PNPLA4: variants seen among roughly 807,000 people sequenced by gnomAD.
PNPLA4 encodes the protein patatin like domain 4, phospholipase and triacylglycerol lipase, also known as patatin-like phospholipase domain-containing protein 4.
Under a neutral mutation model 18.3 loss-of-function variants are expected in PNPLA4, and 15 were observed. That is an observed-to-expected ratio of 0.82 (90% CI 0.55 to 1.26). The LOEUF is 1.26. Ranked by LOEUF, PNPLA4 falls within the 50% of genes most tolerant of loss-of-function variation. The pLI, the probability that PNPLA4 is intolerant of heterozygous loss-of-function variation, is 0.00. For missense variants in PNPLA4, 229 were observed against 196.8 expected, an observed-to-expected ratio of 1.16 and a Z score of -0.98; for synonymous variants, 88 against 85.6, an observed-to-expected ratio of 1.03 and a Z score of -0.16.
At chrX:7,909,498 G>T (rs1245645690) in intron 5 of PNPLA4, among the ~76,000 whole-genome samples, 1 of 109,428 alleles carries the variant, frequency 9.1e-6, no homozygotes, top group Non-Finnish European at 1.9e-5. Flanking sequence ...GGTGGAGCTT[G>T]CAGTGAGCTG....
chrX:7,904,905 C>T (rs932230452), intron 5 of PNPLA4, among the ~76,000 whole-genome samples: 8 of 112,087 alleles, frequency 7.1e-5, no homozygotes, highest in Admixed American at 1.9e-4. Flanking sequence ...ATATCACCAT[C>T]ATCCTCAAAG....
At position 7,908,029 on chromosome X, in the gene PNPLA4, G is replaced by T. The variant is rs753372488; in HGVS notation, c.477+3999C>A. Among the ~76,000 whole-genome samples the T allele has an allele frequency of 8.1e-5, 9 of 111,419 alleles. No individual in the cohort carries two copies. The South Asian group carries it at 3.4e-3, about 42-fold the overall frequency. Reference sequence around the variant, plus strand: ...AGGACTCATACTGGTATTTGCTGTGGTTGAAATTAATCTTAAGTCTTATTA... The same window carrying T: ...AGGACTCATACTGGTATTTGCTGTGTTTGAAATTAATCTTAAGTCTTATTA... On this transcript the variant is annotated intron_variant, in intron 5 of 6. Coordinates refer to ENST00000381042, the MANE Select transcript of PNPLA4 (RefSeq NM_004650.3).
At chrX:7,927,176 A>G (rs1306009254) in intron 1 of PNPLA4, 110 bp downstream of exon 1, 1 of 113,651 alleles carries the variant, frequency 8.8e-6, no homozygotes, top group Non-Finnish European at 1.9e-5. Context: ...GGCCAGGCCC[A>G]GCCAGCACAG....
rs763790651 is a variant in PNPLA4, at chrX:7,900,780, A to G, written c.668T>C (p.Leu223Pro). 9.2e-6 allele frequency: 11 copies of G among 1,194,613 alleles called. No homozygotes were observed. The highest frequency in any genetic ancestry group is 3.6e-5 in the South Asian group (2 of 55,236). ...LANLVRLNQA[L>P]FPPSKRKMES... Reference sequence around the variant, plus strand: ...CATTTTCCTCTTGCTTGGGGGAAAAAGGGCTTGGTTGAGTCTCACCAGGTT... The same window carrying G: ...CATTTTCCTCTTGCTTGGGGGAAAAGGGGCTTGGTTGAGTCTCACCAGGTT... The change falls in exon 7 of 7, where the codon CTT becomes CCT. Residue 223 changes from leucine (L) to proline (P), a missense_variant. Leu to Pro is a moderately conservative substitution (Grantham distance 98, BLOSUM62 -3). Coordinates refer to ENST00000381042, the MANE Select transcript of PNPLA4 (RefSeq NM_004650.3).
chrX:7,912,221 C>A (rs1035444044), intron 4 of PNPLA4, 128 bp from the exon 5 acceptor site: 16 of 413,505 alleles, frequency 3.9e-5, no homozygotes, highest in African/African-American at 3.7e-4. Flanking sequence ...CAGCACTGCA[C>A]GTAATTACAT....
intron 5 of PNPLA4, among the ~76,000 whole-genome samples, chrX:7,903,158 T>C (rs373200138): frequency 8.9e-6 from 1 of 112,149 alleles, no homozygotes; most frequent in East Asian, 2.8e-4. Flanking sequence ...CAAACCTTTG[T>C]TATTCAACAT....
At chrX:7,911,071 T>C (rs1268644244) in intron 5 of PNPLA4, among the ~76,000 whole-genome samples, 1 of 110,119 alleles carries the variant, frequency 9.1e-6, no homozygotes, top group Non-Finnish European at 1.9e-5. Context: ...CATTTGATTA[T>C]AAGATGCGTA....
At chrX:7,901,422 T>C (rs1439762552) in intron 6 of PNPLA4, among the ~76,000 whole-genome samples, 1 of 109,330 alleles carries the variant, frequency 9.1e-6, no homozygotes, top group African/African-American at 3.4e-5. Flanking sequence ...TCTCTGCAAA[T>C]AATTTTTTTA....
At position 7,900,316 on chromosome X, in the gene PNPLA4, G is replaced by A. The variant is rs754557514; in HGVS notation, c.*370C>T. 69 of 118,207 alleles carry A rather than the reference G, an allele frequency of 5.8e-4. No individual in the cohort carries two copies. The highest frequency in any genetic ancestry group is 9.9e-4 in the Non-Finnish European group (57 of 57,579). The allele number at this position is 118,207 out of a possible 1,213,427, so 9.7% of individuals were successfully genotyped here. A position where few individuals can be genotyped will look rare whatever the true frequency, so the allele number is the denominator to read the frequency against. On this transcript the variant is annotated 3_prime_UTR_variant, in exon 7 of 7. Coordinates refer to ENST00000381042, the MANE Select transcript of PNPLA4 (RefSeq NM_004650.3). ...AGCTACAGGGACACAGCTAAGTCAC[G>A]GAAACACCCATGCTTCACGTCAAGA...
intron 5 of PNPLA4, among the ~76,000 whole-genome samples, chrX:7,909,483 C>T (rs1456492676): frequency 2.8e-5 from 3 of 109,030 alleles, no homozygotes; most frequent in Admixed American, 2.0e-4. Context: ...GGCGTGAACC[C>T]GGGAGGTGGA....
chrX:7,901,930 T>A, intron 6 of PNPLA4, 59 bp downstream of exon 6: 7 of 1,108,400 alleles, frequency 6.3e-6, no homozygotes, highest in Non-Finnish European at 8.6e-6. Flanking sequence ...CACGTTGAAT[T>A]CTGTGGGAAT....
intron 5 of PNPLA4, among the ~76,000 whole-genome samples, chrX:7,903,468 T>C (rs1004578815): frequency 1.8e-5 from 2 of 109,751 alleles, no homozygotes; most frequent in Non-Finnish European, 3.8e-5. Flanking sequence ...CCCGGCTAAT[T>C]TTTTGTATTT....
At chrX:7,911,605 G>A (rs1446772288) in intron 5 of PNPLA4, among the ~76,000 whole-genome samples, 7 of 110,916 alleles carry the variant, frequency 6.3e-5, no homozygotes, top group South Asian at 3.9e-4. Flanking sequence ...GGAGTGGGTC[G>A]TCCCCTAGCA....
At chrX:7,920,196 C>T (rs1161374665) in intron 4 of PNPLA4, among the ~76,000 whole-genome samples, 2 of 110,920 alleles carry the variant, frequency 1.8e-5, no homozygotes, top group African/African-American at 6.6e-5. Flanking sequence ...CAGGGATGGA[C>T]CCCGTGAGAG....
At chrX:7,915,423 G>A (rs1431527555) in intron 4 of PNPLA4, among the ~76,000 whole-genome samples, 1 of 110,793 alleles carries the variant, frequency 9.0e-6, no homozygotes, top group African/African-American at 3.3e-5. Context: ...AATAATCTGG[G>A]CCCTTACTGC....
intron 5 of PNPLA4, among the ~76,000 whole-genome samples, chrX:7,910,810 C>A (rs1166086139): frequency 9.4e-6 from 1 of 106,111 alleles, no homozygotes; most frequent in Non-Finnish European, 1.9e-5. Flanking sequence ...GTGTTAGATA[C>A]CTACTCTATT....
chrX:7,900,086 T>C lies in PNPLA4; in HGVS notation c.*600A>G. ...CATGCCTTTCACCTTCCACCACAAT[T>C]GTGAGGCCTCCTCAGTCATGTGGAA... is the stretch of plus-strand genomic sequence containing the variant. On this transcript the variant is annotated 3_prime_UTR_variant, in exon 7 of 7. Transcript: ENST00000381042. 8.5e-6 allele frequency: 1 copy of C among 117,592 alleles called. No homozygotes were observed. Among genetic ancestry groups the C allele is most frequent in the African/African-American group, 3.2e-5 (1 of 31,560 alleles). The allele number at this position is 117,592 out of a possible 1,213,427, so 9.7% of individuals were successfully genotyped here.
chrX:7,915,079 G>A (rs1277596569), intron 4 of PNPLA4, among the ~76,000 whole-genome samples: 1 of 111,331 alleles, frequency 9.0e-6, no homozygotes, highest in Non-Finnish European at 1.9e-5. Context: ...TTTATTGCAG[G>A]CAAATAGAAT....
rs2231790 is a variant in PNPLA4, at chrX:7,921,863, G to A, written c.276-15C>T. 18,493 of 1,194,417 alleles carry A rather than the reference G, an allele frequency of 0.015. 1,742 individuals carry two copies. The African/African-American group carries it at 0.28, about 18-fold the overall frequency. On this transcript the variant is annotated splice_polypyrimidine_tract_variant and intron_variant, in intron 3 of 6. Transcript: ENST00000381042. ...CCATCCCACTTCTAAAGAAGAAAAA[G>A]CAATCTGAATTACTCACCTTTAATT...
Sources: allele counts gnomAD v4.1 joint callset (sites outside exome capture counted in the v4.1 genomes callset), GRCh38; gene constraint gnomAD v4.1.1; transcripts MANE v1.5; gene names NCBI Gene and HGNC (gene_info 2026-07-23, HGNC 2026-07-21).